Variants in MLLT3 observed in about 807,000 individuals in gnomAD.
The protein encoded by MLLT3 is protein AF-9.
In MLLT3, 4 loss-of-function variants were observed where a neutral mutation model predicts 53.2. The ratio of observed to expected loss-of-function variants is 0.08; its 90% CI spans 0.04 to 0.17. The LOEUF is 0.17. Among genes scored for constraint, MLLT3 ranks in the 10% least tolerant of loss-of-function variants. The probability of loss-of-function intolerance (pLI) is 1.00; values close to 1 mark genes in which losing one functional copy is unlikely to be tolerated. For missense variants in MLLT3, 569 were observed against 684.0 expected (o/e 0.83, Z 1.87); for synonymous variants, 283 against 230.6 (o/e 1.23, Z -2.06).
intron 10 of MLLT3, 131 bp from the exon 11 acceptor site, chr9:20,346,705 T>A: frequency 1.2e-6 from 1 of 811,776 alleles, no homozygotes; most frequent in Non-Finnish European, 1.9e-6. Flanking sequence ...CAAGGTCCCA[T>A]ACCATGAATA....
intron 4 of MLLT3, among the ~76,000 whole-genome samples, chr9:20,438,966 C>T (rs1441022115): frequency 1.3e-5 from 2 of 152,170 alleles, no homozygotes; most frequent in Non-Finnish European, 2.9e-5. Flanking sequence ...ACACTACCCA[C>T]AGGCCCACAA....
chr9:20,463,365 A>G (rs1043629453), intron 2 of MLLT3, among the ~76,000 whole-genome samples: 6 of 152,144 alleles, frequency 3.9e-5, no homozygotes, highest in Non-Finnish European at 1.5e-5. Flanking sequence ...AGCAAAGCCC[A>G]TGTAGCTGAG....
chr9:20,560,257 GA>G (rs1213024282), intron 2 of MLLT3, among the ~76,000 whole-genome samples: 25 of 152,192 alleles, frequency 1.6e-4, no homozygotes, highest in African/African-American at 6.0e-4. Flanking sequence ...CCAGACACCA[GA>G]TCCCTTCAAT....
intron 5 of MLLT3, among the ~76,000 whole-genome samples, chr9:20,375,332 C>A (rs1273372514): frequency 6.6e-6 from 1 of 152,106 alleles, no homozygotes; most frequent in South Asian, 2.1e-4. Flanking sequence ...TGAAAAAGGG[C>A]AATTAATTTA....
Position 20,382,665 on chromosome 9 carries a change from T to C in MLLT3, c.1126-16921A>G, listed in dbSNP as rs76873446. The stretch of plus-strand genomic sequence containing the variant: ...ACTAGCTTCTCCCATCTGATACTAC[T>C]GTATGTGTGGTAAGCAGACATTCTT... On this transcript the variant is annotated intron_variant, in intron 5 of 10. Transcript: ENST00000380338. 5.8e-3 allele frequency among the ~76,000 whole-genome samples: 882 copies of C among 152,032 alleles called. 12 individuals carry two copies. Among genetic ancestry groups the C allele is most frequent in the African/African-American group, 0.02 (847 of 41,536 alleles).
At chr9:20,599,076 C>A (rs1036047886) in intron 2 of MLLT3, among the ~76,000 whole-genome samples, 1 of 152,214 alleles carries the variant, frequency 6.6e-6, no homozygotes, top group African/African-American at 2.4e-5. Flanking sequence ...GAGGCCAAGG[C>A]GGGCAGATCA....
chr9:20,457,783 G>T (rs367633019), intron 2 of MLLT3, among the ~76,000 whole-genome samples: 46 of 152,308 alleles, frequency 3.0e-4, no homozygotes, highest in Admixed American at 1.1e-3. Flanking sequence ...AGCTCTTGGG[G>T]AATGAGAGAC....
chr9:20,496,907 A>G (rs1825091960), intron 2 of MLLT3, among the ~76,000 whole-genome samples: 1 of 152,216 alleles, frequency 6.6e-6, no homozygotes, highest in African/African-American at 2.4e-5. Flanking sequence ...CTTCCCCAAG[A>G]GCCTTTCTCA....
intron 5 of MLLT3, among the ~76,000 whole-genome samples, chr9:20,378,090 A>G (rs1244521122): frequency 6.6e-6 from 1 of 151,982 alleles, no homozygotes; most frequent in Non-Finnish European, 1.5e-5. Context: ...AAAAGAAAAT[A>G]ACAAGACCTC....
intron 5 of MLLT3, among the ~76,000 whole-genome samples, chr9:20,406,611 C>T (rs1822583464): frequency 1.3e-5 from 2 of 152,120 alleles, no homozygotes; most frequent in South Asian, 2.1e-4. Context: ...AAACCAGGGC[C>T]ACTCTAGTAA....
chr9:20,356,605 C>T (rs2118618526), intron 8 of MLLT3, among the ~76,000 whole-genome samples: 1 of 152,196 alleles, frequency 6.6e-6, no homozygotes, highest in Middle Eastern at 3.4e-3. Flanking sequence ...TTGTGCATTA[C>T]AGAACTGAAT....
chr9:20,611,403 T>A (rs1247784453), intron 2 of MLLT3, among the ~76,000 whole-genome samples: 1 of 152,114 alleles, frequency 6.6e-6, no homozygotes, highest in Non-Finnish European at 1.5e-5. Context: ...TATATTTTGC[T>A]TTTAAAAATC....
At chr9:20,610,822 A>G (rs1371161770) in intron 2 of MLLT3, among the ~76,000 whole-genome samples, 3 of 152,142 alleles carry the variant, frequency 2.0e-5, no homozygotes, top group Non-Finnish European at 4.4e-5. Flanking sequence ...CCAGCCCACT[A>G]GTTACTATTT....
In MLLT3 at chr9:20,620,542, T is replaced by G; in HGVS notation, c.193+112A>C. 1.1e-6 allele frequency: 1 copy of G among 951,972 alleles called. No homozygotes were observed. The allele number at this position is 951,972 out of a possible 1,614,324, so 59.0% of individuals were successfully genotyped here. A position where few individuals can be genotyped will look rare whatever the true frequency, so the allele number is the denominator to read the frequency against. On this transcript the variant is annotated intron_variant, in intron 2 of 10. Coordinates refer to ENST00000380338, the MANE Select transcript of MLLT3 (RefSeq NM_004529.4). The surrounding 1 kb of genome is among the most constrained non-coding windows in gnomAD (Gnocchi z 6.1). Reference sequence around the variant, plus strand: ...GCGCCGCGCACCCGGATCCCGAGGCTACGCCGGCGAGCGCGGCGCGGGGGG... The same window carrying G: ...GCGCCGCGCACCCGGATCCCGAGGCGACGCCGGCGAGCGCGGCGCGGGGGG...
rs577142354 is a variant in MLLT3, at chr9:20,571,637, G to A, written c.193+49017C>T. Among the ~76,000 whole-genome samples, 235 of 152,086 alleles carry A rather than the reference G, an allele frequency of 1.5e-3. 5 individuals carry two copies. Among genetic ancestry groups the A allele is most frequent in the Non-Finnish European group, 2.8e-4 (19 of 67,990 alleles). ...CCTGGTGTGTGATGTTCCCCATCCC[G>A]GGTCCATGTGTTTTCATTGTTCAAC... On this transcript the variant is annotated intron_variant, in intron 2 of 10. Transcript: ENST00000380338.
In MLLT3 at chr9:20,541,949, C is replaced by A. The variant is rs145809573; in HGVS notation, c.193+78705G>T. On this transcript the variant is annotated intron_variant, in intron 2 of 10. Transcript: ENST00000380338. ...ATCCTGTTCATGTTGATATTTTGACCCCCTCCCATGAATCACAAATGTTCA... is the reference window on the plus strand; with the variant it reads ...ATCCTGTTCATGTTGATATTTTGACACCCTCCCATGAATCACAAATGTTCA... Among the ~76,000 whole-genome samples, 450 of 152,214 alleles carry A rather than the reference C, an allele frequency of 3.0e-3. 1 individual carries two copies. The highest frequency in any genetic ancestry group is 0.01 in the African/African-American group (418 of 41,516).
At chr9:20,432,202 A>G in intron 4 of MLLT3, among the ~76,000 whole-genome samples, 1 of 152,150 alleles carries the variant, frequency 6.6e-6, no homozygotes, top group East Asian at 1.9e-4. Flanking sequence ...TAATCTTCTT[A>G]AAGAGTCCTG....
intron 5 of MLLT3, among the ~76,000 whole-genome samples, chr9:20,400,712 T>G (rs1822433533): frequency 6.6e-6 from 1 of 151,842 alleles, no homozygotes; most frequent in Admixed American, 6.6e-5. Flanking sequence ...TACTTGAAAA[T>G]CTTCATAATG....
At chr9:20,417,599 G>A (rs1335684944) in intron 4 of MLLT3, among the ~76,000 whole-genome samples, 1 of 151,942 alleles carries the variant, frequency 6.6e-6, no homozygotes, top group Non-Finnish European at 1.5e-5. Flanking sequence ...CAGAGAGCAC[G>A]TGTGCATAAT....
Sources: gnomAD v4.1 joint callset for allele counts (sites outside exome capture counted in the v4.1 genomes callset) on GRCh38, gnomAD v4.1.1 for gene constraint, Gnocchi (gnomAD v3.1) non-coding constraint, MANE v1.5 for transcripts, NCBI Gene and HGNC (gene_info 2026-07-23, HGNC 2026-07-21) for gene names.